The following RALGAPA2 variants were observed in gnomAD, a reference collection of about 807,000 sequenced individuals.
RALGAPA2 encodes the protein Ral GTPase activating protein catalytic subunit alpha 2.
RALGAPA2 carries 139 observed loss-of-function variants against 230.4 expected under a neutral mutation model. The observed-to-expected ratio is 0.60, with a 90% confidence interval of 0.53 to 0.69. RALGAPA2 has a LOEUF of 0.69. Among genes scored for constraint, RALGAPA2 ranks in the 30% least tolerant of loss-of-function variants. The pLI is 0.00. For missense variants in RALGAPA2, 2,163 were observed against 2,276.0 expected, an observed-to-expected ratio of 0.95 and a Z score of 1.01; for synonymous variants, 847 against 837.8, an observed-to-expected ratio of 1.01 and a Z score of -0.19.
At chr20:20,490,280 G>A (rs2062017068) in intron 36 of RALGAPA2, among the ~76,000 whole-genome samples, 2 of 152,118 alleles carry the variant, frequency 1.3e-5, no homozygotes, top group Admixed American at 1.3e-4. Context: ...GAAGAAATTT[G>A]ATTTTAATTT....
At chr20:20,436,654 CTTCAATGT>C (rs1398521503) in intron 37 of RALGAPA2, among the ~76,000 whole-genome samples, 4 of 152,214 alleles carry the variant, frequency 2.6e-5, no homozygotes, top group African/African-American at 9.6e-5. Flanking sequence ...CTCACGAAGG[CTTCAATGT>C]GTTGACACTG....
intron 38 of RALGAPA2, among the ~76,000 whole-genome samples, chr20:20,403,994 C>G (rs183252488): frequency 1.3e-5 from 2 of 152,330 alleles, no homozygotes; most frequent in South Asian, 2.1e-4. Context: ...CAGGTCACAG[C>G]TGAGTGCTGC....
intron 20 of RALGAPA2, among the ~76,000 whole-genome samples, chr20:20,579,874 T>C (rs1206870476): frequency 1.3e-5 from 2 of 152,164 alleles, no homozygotes; most frequent in Non-Finnish European, 2.9e-5. Context: ...CATGATTCCA[T>C]GTCTGTGTGC....
intron 16 of RALGAPA2, among the ~76,000 whole-genome samples, chr20:20,599,919 G>A (rs577052962): frequency 2.0e-5 from 3 of 151,716 alleles, no homozygotes; most frequent in Admixed American, 1.3e-4. Context: ...GTTGCAATGA[G>A]CCAAGATCAC....
intron 3 of RALGAPA2, among the ~76,000 whole-genome samples, chr20:20,662,097 A>G (rs2067801358): frequency 6.6e-6 from 1 of 152,196 alleles, no homozygotes; most frequent in African/African-American, 2.4e-5. Context: ...TAGTTATAGC[A>G]AGACTGGTTT....
intron 37 of RALGAPA2, among the ~76,000 whole-genome samples, chr20:20,427,718 A>G (rs2060416461): frequency 6.6e-6 from 1 of 152,114 alleles, no homozygotes. Context: ...TGCCAGTAAC[A>G]GGAAAGCAAT....
intron 37 of RALGAPA2, among the ~76,000 whole-genome samples, chr20:20,418,407 C>G (rs1028096030): frequency 6.6e-6 from 1 of 152,190 alleles, no homozygotes; most frequent in Non-Finnish European, 1.5e-5. Context: ...AGGAACTGGC[C>G]TGGCTTCTTG....
intron 24 of RALGAPA2, among the ~76,000 whole-genome samples, chr20:20,540,967 T>C (rs1241942375): frequency 1.3e-5 from 2 of 152,094 alleles, no homozygotes; most frequent in African/African-American, 2.4e-5. Flanking sequence ...ATTTTGGTAA[T>C]TGGTGATCAC....
intron 1 of RALGAPA2, among the ~76,000 whole-genome samples, chr20:20,706,699 T>C (rs1460344437): frequency 1.3e-5 from 2 of 152,190 alleles, no homozygotes; most frequent in Non-Finnish European, 1.5e-5. Flanking sequence ...CAAAAACTGT[T>C]GTGATTTTGT....
chr20:20,618,635 C>T (rs1043013425), intron 12 of RALGAPA2, among the ~76,000 whole-genome samples: 10 of 152,096 alleles, frequency 6.6e-5, no homozygotes, highest in Admixed American at 2.0e-4. Flanking sequence ...TGAAGGGTGG[C>T]GGGCGAGGGG....
In RALGAPA2 at chr20:20,531,762, T is replaced by C. The variant is rs759390443; in HGVS notation, c.3507A>G (p.Ile1169Met). 1 of 1,607,690 alleles carries C rather than the reference T, an allele frequency of 6.2e-7. No individual in the cohort carries two copies. Among genetic ancestry groups the C allele is most frequent in the East Asian group, 2.2e-5 (1 of 44,798 alleles). Reference protein sequence around the residue: ...CIAVCSLGVWICEELAQCTSH... With the variant: ...CIAVCSLGVWMCEELAQCTSH... ...TTGTACACTGTGCAAGCTCTTCACA[T>C]ATCCAGACCCCAAGGGAGCAAACAG... The change falls in exon 27 of 40, where the codon ATA (isoleucine) becomes ATG (methionine). Residue 1169 changes from isoleucine (I) to methionine (M), a missense_variant. Ile to Met is a conservative substitution (Grantham distance 10). Transcript: ENST00000202677.
intron 5 of RALGAPA2, among the ~76,000 whole-genome samples, chr20:20,642,704 G>T (rs1449743112): frequency 6.6e-6 from 1 of 151,842 alleles, no homozygotes; most frequent in East Asian, 1.9e-4. Context: ...AAATAAGAGG[G>T]ACAAAATATA....
chr20:20,627,994 C>A (rs1256282695), intron 10 of RALGAPA2, among the ~76,000 whole-genome samples: 1 of 152,014 alleles, frequency 6.6e-6, no homozygotes, highest in African/African-American at 2.4e-5. Context: ...GGGGCCAAGA[C>A]ATGAAACAGA....
At chr20:20,703,616 A>T (rs1003678791) in intron 1 of RALGAPA2, among the ~76,000 whole-genome samples, 4 of 152,374 alleles carry the variant, frequency 2.6e-5, no homozygotes, top group African/African-American at 9.6e-5. Context: ...CTATGAGAAG[A>T]CATTTTGCAA....
Position 20,521,078 on chromosome 20 carries a change from CCA to C in RALGAPA2, c.3921_3922del (p.Cys1307TrpfsTer17). ...ACTCTGTTGGGTGTACGTGCTTGAG[CCA>C]CACACACAGCAGTGCAAAACCTGTG... is the stretch of plus-strand genomic sequence containing the variant. On this transcript the variant is annotated frameshift_variant, in exon 31 of 40. Transcript: ENST00000202677. LOFTEE classifies it high-confidence loss of function. 6.2e-7 allele frequency: 1 copy of C among 1,612,314 alleles called. No homozygotes were observed. The highest frequency in any genetic ancestry group is 8.5e-7 in the Non-Finnish European group (1 of 1,178,776).
At position 20,520,803 on chromosome 20, in the gene RALGAPA2, G is replaced by C. The variant is rs2063014084; in HGVS notation, c.4084+114C>G. 3.3e-6 allele frequency: 3 copies of C among 901,970 alleles called. No homozygotes were observed. The South Asian group carries it at 6.9e-5, about 21-fold the overall frequency. 55.9% of individuals were successfully genotyped at this position (901,970 alleles called of 1,614,324 possible). A position where few individuals can be genotyped will look rare whatever the true frequency, so the allele number is the denominator to read the frequency against. On this transcript the variant is annotated intron_variant, in intron 31 of 39. Coordinates refer to ENST00000202677, the MANE Select transcript of RALGAPA2 (RefSeq NM_020343.4). ...AATTTGCCATCACAGAGGACTCCAG[G>C]AACTAGGATTTCAACTTCAACAACT...
chr20:20,647,204 C>CT (rs2067243580), intron 4 of RALGAPA2, among the ~76,000 whole-genome samples: 1 of 152,132 alleles, frequency 6.6e-6, no homozygotes, highest in South Asian at 2.1e-4. Context: ...TCACCTAAAA[C>CT]TTTAACATTA....
In RALGAPA2 at chr20:20,512,807, T is replaced by C; in HGVS notation, c.4562A>G (p.Asp1521Gly). 1 of 1,613,848 alleles carries C rather than the reference T, an allele frequency of 6.2e-7. No homozygotes were observed. Among genetic ancestry groups the C allele is most frequent in the Middle Eastern group, 1.6e-4 (1 of 6,062 alleles). ...SQVEEGDDVL[D>G]KLLENIGHTS... The stretch of plus-strand genomic sequence containing the variant: ...ATGGCCAATGTTTTCAAGTAATTTG[T>C]CAAGAACATCATCCCCCTCCTCAAC... The change falls in exon 32 of 40, where the codon GAC becomes GGC. Residue 1521 changes from aspartate to glycine, a missense_variant. Transcript: ENST00000202677.
chr20:20,524,314 A>G (rs2063133088), intron 30 of RALGAPA2, 92 bp downstream of exon 30: 1 of 1,498,260 alleles, frequency 6.7e-7, no homozygotes, highest in Non-Finnish European at 9.1e-7. Flanking sequence ...CAAAAGGGCA[A>G]TGACAAATAA....
Sources: allele counts gnomAD v4.1 joint callset (sites outside exome capture counted in the v4.1 genomes callset), GRCh38; gene constraint gnomAD v4.1.1; transcripts MANE v1.5; gene names NCBI Gene and HGNC (gene_info 2026-07-23, HGNC 2026-07-21).